DKK2: variants seen among roughly 807,000 people sequenced by gnomAD.
DKK2 encodes the protein dickkopf Wnt signaling pathway inhibitor 2, also known as dickkopf-related protein 2.
DKK2 carries 11 observed loss-of-function variants against 28.1 expected under a neutral mutation model. The ratio of observed to expected loss-of-function variants is 0.39; its 90% CI spans 0.25 to 0.65. The LOEUF is 0.65. Among genes scored for constraint, DKK2 ranks in the 30% least tolerant of loss-of-function variants. The pLI, the probability that DKK2 is intolerant of heterozygous loss-of-function variation, is 0.47. For synonymous variants in DKK2, 135 were observed against 126.5 expected (o/e 1.07, Z -0.45); for missense variants, 326 against 335.5 (o/e 0.97, Z 0.22).
chr4:106,967,798 G>A (rs1282134473), intron 1 of DKK2, among the ~76,000 whole-genome samples: 1 of 150,768 alleles, frequency 6.6e-6, no homozygotes, highest in Non-Finnish European at 1.5e-5. Context: ...GAGAAAGGAG[G>A]GGAGAAGAAG....
chr4:106,946,133 A>G (rs867419117), intron 1 of DKK2, among the ~76,000 whole-genome samples: 4 of 152,170 alleles, frequency 2.6e-5, no homozygotes, highest in Admixed American at 6.6e-5. Context: ...AATAAAGACC[A>G]ACTGCTGGTC....
intron 1 of DKK2, among the ~76,000 whole-genome samples, chr4:107,031,758 C>T (rs2110378434): frequency 6.6e-6 from 1 of 152,004 alleles, no homozygotes; most frequent in South Asian, 2.1e-4. Context: ...ATAAAATAAG[C>T]AATTACAAAC....
chr4:106,984,546 A>T (rs902492959), intron 1 of DKK2, among the ~76,000 whole-genome samples: 2 of 152,144 alleles, frequency 1.3e-5, no homozygotes, highest in Non-Finnish European at 2.9e-5. Context: ...ATAATCTTAT[A>T]TTGTATGTAT....
chr4:107,023,323 C>G (rs1452777255), intron 1 of DKK2, among the ~76,000 whole-genome samples: 1 of 151,872 alleles, frequency 6.6e-6, no homozygotes, highest in Non-Finnish European at 1.5e-5. Context: ...AAAAATAAAA[C>G]AATCACTGTG....
Position 107,035,681 on chromosome 4 carries a change from T to C in DKK2, c.-90A>G. ...GGACCCCAACACGGGGCCCCTCACT[T>C]GGGTCGCGGGGGCTTGCAGATTGTG... On this transcript the variant is annotated 5_prime_UTR_variant, in exon 1 of 4. Coordinates refer to ENST00000285311, the MANE Select transcript of DKK2 (RefSeq NM_014421.3). 1 of 1,407,128 alleles carries C rather than the reference T, an allele frequency of 7.1e-7. No homozygotes were observed. The highest frequency in any genetic ancestry group is 9.8e-7 in the Non-Finnish European group (1 of 1,018,026). The allele number at this position is 1,407,128 out of a possible 1,614,324, so 87.2% of individuals were successfully genotyped here. A position where few individuals can be genotyped will look rare whatever the true frequency, so the allele number is the denominator to read the frequency against.
intron 1 of DKK2, among the ~76,000 whole-genome samples, chr4:106,983,292 A>C (rs182374793): frequency 6.6e-6 from 1 of 151,130 alleles, no homozygotes; most frequent in Admixed American, 6.6e-5. Flanking sequence ...GAGAGAAGAA[A>C]GAAAAGAAAG....
chr4:107,034,464 G>C (rs1322241268), intron 1 of DKK2, among the ~76,000 whole-genome samples: 2 of 152,144 alleles, frequency 1.3e-5, no homozygotes, highest in Non-Finnish European at 2.9e-5. Context: ...AACTGGTACC[G>C]AGTGTGCGCG....
chr4:106,981,011 A>G (rs1723019719), intron 1 of DKK2, among the ~76,000 whole-genome samples: 1 of 152,132 alleles, frequency 6.6e-6, no homozygotes, highest in African/African-American at 2.4e-5. Flanking sequence ...ATGAGCAAGA[A>G]TTTACTACTG....
chr4:107,003,953 G>T (rs1006902471), intron 1 of DKK2, among the ~76,000 whole-genome samples: 1 of 152,062 alleles, frequency 6.6e-6, no homozygotes, highest in African/African-American at 2.4e-5. Flanking sequence ...TTTATATTCC[G>T]TGTTTGTTTC....
rs116387840 is a variant in DKK2 at position 106,925,785 on chromosome 4, G to T, written c.373+14C>A. 1.5e-3 allele frequency: 2,438 copies of T among 1,602,000 alleles called. 30 individuals carry two copies. The African/African-American group carries it at 0.029, about 19-fold the overall frequency. ...AAAGAAAGAGGCCCATTAACACTTA[G>T]TGAGATCTTTTACCATTATTGCAGC... is the stretch of plus-strand genomic sequence containing the variant. On this transcript the variant is annotated intron_variant, in intron 2 of 3. Transcript: ENST00000285311.
intron 1 of DKK2, among the ~76,000 whole-genome samples, chr4:106,928,241 GAAAGAGGGAACCTCATTTGATC>G (rs2110339609): frequency 6.6e-6 from 1 of 152,090 alleles, no homozygotes; most frequent in South Asian, 2.1e-4. Flanking sequence ...ATTTAATTTT[GAAAGAGGGAACCTCATTTGATC>G]AAAAATAGAA....
intron 1 of DKK2, among the ~76,000 whole-genome samples, chr4:107,028,331 G>A (rs1477444755): frequency 2.0e-5 from 3 of 147,772 alleles, no homozygotes; most frequent in African/African-American, 7.4e-5. Context: ...TGCCCAACTT[G>A]GAGGGGAGAT....
chr4:107,027,053 G>GTAATAGT (rs1723790937), intron 1 of DKK2, among the ~76,000 whole-genome samples: 1 of 152,060 alleles, frequency 6.6e-6, no homozygotes, highest in Non-Finnish European at 1.5e-5. Flanking sequence ...GAAAAAAACA[G>GTAATAGT]AAACACCATA....
chr4:107,007,021 T>C (rs1469782917), intron 1 of DKK2, among the ~76,000 whole-genome samples: 5 of 152,032 alleles, frequency 3.3e-5, no homozygotes, highest in Admixed American at 2.6e-4. Context: ...ATGTCATAAA[T>C]AGAAGACATT....
intron 1 of DKK2, among the ~76,000 whole-genome samples, chr4:106,989,959 C>T (rs1442966079): frequency 6.6e-6 from 1 of 151,982 alleles, no homozygotes; most frequent in African/African-American, 2.4e-5. Flanking sequence ...CCCAACATAG[C>T]AAAAATATTA....
chr4:107,027,004 A>G (rs1362013961), intron 1 of DKK2, among the ~76,000 whole-genome samples: 4 of 152,222 alleles, frequency 2.6e-5, no homozygotes, highest in Non-Finnish European at 5.9e-5. Flanking sequence ...AGATAATTGT[A>G]GAGAAATAAG....
chr4:106,976,575 T>A (rs1722949111), intron 1 of DKK2, among the ~76,000 whole-genome samples: 1 of 152,104 alleles, frequency 6.6e-6, no homozygotes, highest in Admixed American at 6.6e-5. Context: ...TGCTTTTTTT[T>A]CTTTCCACTT....
chr4:106,930,999 G>T (rs1724495076), intron 1 of DKK2, among the ~76,000 whole-genome samples: 1 of 152,110 alleles, frequency 6.6e-6, no homozygotes. Context: ...AACAGTCAAG[G>T]TACACTACCC....
intron 1 of DKK2, among the ~76,000 whole-genome samples, chr4:106,972,336 A>G (rs1380029751): frequency 6.6e-6 from 1 of 151,962 alleles, no homozygotes; most frequent in Non-Finnish European, 1.5e-5. Flanking sequence ...GACTTTTACT[A>G]CATAGCTTCT....
Sources: gnomAD v4.1 joint callset for allele counts (sites outside exome capture counted in the v4.1 genomes callset) on GRCh38, gnomAD v4.1.1 for gene constraint, MANE v1.5 for transcripts, NCBI Gene and HGNC (gene_info 2026-07-23, HGNC 2026-07-21) for gene names.